SLCO3A1: variants seen among roughly 807,000 people sequenced by gnomAD.
SLCO3A1 encodes the protein PGE1 transporter.
Under a neutral mutation model 63.1 loss-of-function variants are expected in SLCO3A1, and 27 were observed. The ratio of observed to expected loss-of-function variants is 0.43; its 90% confidence interval spans 0.32 to 0.59. The LOEUF is 0.59. SLCO3A1 is among the 20% of genes least tolerant of loss of function. The probability of loss-of-function intolerance (pLI) is 0.09; values close to 1 mark genes in which losing one functional copy is unlikely to be tolerated. For missense variants in SLCO3A1, 773 were observed against 945.8 expected, an observed-to-expected ratio of 0.82 and a Z score of 2.40; for synonymous variants, 473 against 409.9, an observed-to-expected ratio of 1.15 and a Z score of -1.86.
At chr15:91,949,731 A>G (rs1899934238) in intron 2 of SLCO3A1, among the ~76,000 whole-genome samples, 1 of 152,068 alleles carries the variant, frequency 6.6e-6, no homozygotes, top group African/African-American at 2.4e-5. Flanking sequence ...TAGAAGGCAG[A>G]TGAGCTTGTA....
intron 2 of SLCO3A1, among the ~76,000 whole-genome samples, chr15:91,996,965 A>G (rs977999972): frequency 2.0e-5 from 3 of 152,194 alleles, no homozygotes; most frequent in Non-Finnish European, 4.4e-5. Context: ...AAAGGACACC[A>G]TAAACTAAGT....
intron 7 of SLCO3A1, among the ~76,000 whole-genome samples, chr15:92,144,042 G>A (rs2048186991): frequency 1.3e-5 from 2 of 152,228 alleles, no homozygotes; most frequent in Admixed American, 6.5e-5. Context: ...CGGGAGTGCT[G>A]GGACAGGTCG....
chr15:91,998,016 C>T (rs1053876785), intron 2 of SLCO3A1, among the ~76,000 whole-genome samples: 4 of 152,178 alleles, frequency 2.6e-5, no homozygotes, highest in African/African-American at 9.7e-5. Context: ...TAAAGAGCTT[C>T]TACATAACAA....
chr15:92,095,109 G>A (rs1353518174), intron 3 of SLCO3A1, 130 bp downstream of exon 3: 5 of 634,344 alleles, frequency 7.9e-6, no homozygotes, highest in Non-Finnish European at 1.4e-5. Context: ...TCTGTAGCTG[G>A]GGCTCACCCG....
At chr15:91,961,488 G>T (rs1332238523) in intron 2 of SLCO3A1, among the ~76,000 whole-genome samples, 1 of 152,186 alleles carries the variant, frequency 6.6e-6, no homozygotes, top group African/African-American at 2.4e-5. Context: ...GTCAGGCAAT[G>T]AGGTTGATTA....
At chr15:91,972,636 G>A (rs375901219) in intron 2 of SLCO3A1, among the ~76,000 whole-genome samples, 3 of 152,168 alleles carry the variant, frequency 2.0e-5, no homozygotes, top group Non-Finnish European at 4.4e-5. Flanking sequence ...CCAGGGAAAC[G>A]TGCTGACCGA....
rs530163588 is a variant in SLCO3A1, at chr15:92,076,855, G to A, written c.647-18026G>A. 8.3e-4 allele frequency among the ~76,000 whole-genome samples: 126 copies of A among 152,284 alleles called. 2 individuals are homozygous for A. The highest frequency in any genetic ancestry group is 3.4e-3 in the Middle Eastern group (1 of 294). On this transcript the variant is annotated intron_variant, in intron 2 of 9. Transcript: ENST00000318445. Reference sequence around the variant, plus strand: ...TTAATATGTTTTGGGAAGATGAACCGAGTCAAGTACGGACTGTATGAGATT... The same window carrying A: ...TTAATATGTTTTGGGAAGATGAACCAAGTCAAGTACGGACTGTATGAGATT...
At chr15:92,143,469 A>ATATATTATATTATATATAAATATAT (rs1447344406) in intron 7 of SLCO3A1, among the ~76,000 whole-genome samples, 1 of 21,200 alleles carries the variant, frequency 4.7e-5, no homozygotes, top group African/African-American at 2.9e-4. Flanking sequence ...AATATATATA[A>ATATATTATATTATATATAAATATAT]ATATATATAT....
intron 7 of SLCO3A1, among the ~76,000 whole-genome samples, chr15:92,129,087 G>A (rs2047961623): frequency 6.6e-6 from 1 of 152,124 alleles, no homozygotes; most frequent in African/African-American, 2.4e-5. Context: ...CTAAGTGACG[G>A]GTCATCCATT....
At chr15:92,006,019 A>C (rs943653121) in intron 2 of SLCO3A1, among the ~76,000 whole-genome samples, 3 of 152,118 alleles carry the variant, frequency 2.0e-5, no homozygotes, top group Non-Finnish European at 4.4e-5. Flanking sequence ...ATAATGCCAC[A>C]CCAGGTGTGC....
chr15:92,047,592 T>TATATATA lies in SLCO3A1; in HGVS notation c.647-47288_647-47287insTATATAA, dbSNP rs1555427742. ...TATAAATATATATATAATATATATA[T>TATATATA]AATATATAATATATATATAATATAT... is the stretch of plus-strand genomic sequence containing the variant. On this transcript the variant is annotated intron_variant, in intron 2 of 9. Coordinates refer to ENST00000318445, the MANE Select transcript of SLCO3A1 (RefSeq NM_013272.4). Among the ~76,000 whole-genome samples the TATATATA allele has an allele frequency of 1.1e-3, 25 of 22,774 alleles. 4 individuals carry two copies. Among genetic ancestry groups the TATATATA allele is most frequent in the South Asian group, 2.6e-3 (2 of 770 alleles). 14.9% of individuals were successfully genotyped at this position (22,774 alleles called of 152,430 possible). A position where few individuals can be genotyped will look rare whatever the true frequency, so the allele number is the denominator to read the frequency against.
At chr15:92,025,394 C>T (rs75229991) in intron 2 of SLCO3A1, among the ~76,000 whole-genome samples, 2,432 of 152,198 alleles carry the variant, frequency 0.016, 61 homozygotes, top group African/African-American at 0.054. Flanking sequence ...ATGGGGGACA[C>T]CATAGGCACA....
At chr15:92,061,785 C>T (rs919759774) in intron 2 of SLCO3A1, among the ~76,000 whole-genome samples, 2 of 149,534 alleles carry the variant, frequency 1.3e-5, no homozygotes, top group African/African-American at 2.4e-5. Flanking sequence ...TCCTAGGCAA[C>T]CCATCACCCT....
At chr15:91,953,083 A>G (rs1243192595) in intron 2 of SLCO3A1, among the ~76,000 whole-genome samples, 2 of 152,198 alleles carry the variant, frequency 1.3e-5, no homozygotes, top group Non-Finnish European at 2.9e-5. Context: ...TCAAAGAAGG[A>G]TTTCTCATTC....
chr15:92,141,376 A>T lies in SLCO3A1; in HGVS notation c.1513-5608A>T, dbSNP rs146316956. The stretch of plus-strand genomic sequence containing the variant: ...ACAGCCAGAGAAAGCATTAGGGGAC[A>T]TATCACTTCATTCAGACCATGGGAG... On this transcript the variant is annotated intron_variant, in intron 7 of 9. Transcript: ENST00000318445. 2.6e-5 allele frequency among the ~76,000 whole-genome samples: 4 copies of T among 152,334 alleles called. No homozygotes were observed. In the East Asian group the frequency reaches 7.7e-4, roughly 29 times the overall value.
intron 3 of SLCO3A1, among the ~76,000 whole-genome samples, chr15:92,097,481 A>G (rs1266952331): frequency 6.6e-6 from 1 of 152,158 alleles, no homozygotes; most frequent in Admixed American, 6.5e-5. Flanking sequence ...TGCTGTTCCC[A>G]TCTTACTGTG....
At chr15:91,918,841 T>C (rs1199338826) in intron 2 of SLCO3A1, among the ~76,000 whole-genome samples, 2 of 152,230 alleles carry the variant, frequency 1.3e-5, no homozygotes, top group South Asian at 4.1e-4. Flanking sequence ...GCTGGGACTG[T>C]AGGTGTAACT....
intron 2 of SLCO3A1, among the ~76,000 whole-genome samples, chr15:91,984,202 C>G (rs1277327776): frequency 2.0e-5 from 3 of 152,166 alleles, no homozygotes; most frequent in Admixed American, 6.5e-5. Context: ...TTGGCCTTTT[C>G]CAGGAGGCGG....
chr15:91,962,998 A>G (rs2151422470), intron 2 of SLCO3A1, among the ~76,000 whole-genome samples: 1 of 152,284 alleles, frequency 6.6e-6, no homozygotes, highest in African/African-American at 2.4e-5. Context: ...TGTAACTAAG[A>G]TCTGATTCCT....
Sources: allele counts gnomAD v4.1 joint callset (sites outside exome capture counted in the v4.1 genomes callset), GRCh38; gene constraint gnomAD v4.1.1; transcripts MANE v1.5; gene names NCBI Gene and HGNC (gene_info 2026-07-23, HGNC 2026-07-21).